SLC38A8: variants seen among roughly 807,000 people sequenced by gnomAD.
The protein encoded by SLC38A8 is amino acid transporter SLC38A8.
In SLC38A8, 65 loss-of-function variants were observed where a neutral mutation model predicts 46.0. The observed-to-expected ratio is 1.41, with a 90% CI of 1.16 to 1.74. The LOEUF (loss-of-function observed/expected upper bound fraction) is 1.74. SLC38A8 is among the 40% of genes most tolerant of loss of function. SLC38A8 has a pLI of 0.00. For synonymous variants in SLC38A8, 447 were observed against 243.7 expected, an observed-to-expected ratio of 1.83 and a Z score of -7.77; for missense variants, 998 against 567.9, an observed-to-expected ratio of 1.76 and a Z score of -7.70.
At chr16:84,023,908 C>G (rs2085126805) in intron 6 of SLC38A8, among the ~76,000 whole-genome samples, 1 of 152,146 alleles carries the variant, frequency 6.6e-6, no homozygotes, top group Non-Finnish European at 1.5e-5. Context: ...GAAAAACAAG[C>G]CGGGCAGCAG....
chr16:84,025,564 T>A (rs1056619128), intron 6 of SLC38A8, among the ~76,000 whole-genome samples: 5 of 152,066 alleles, frequency 3.3e-5, no homozygotes, highest in Non-Finnish European at 5.9e-5. Flanking sequence ...TGGGCCAGGA[T>A]CGGAGCCTGC....
chr16:84,015,594 G>C (rs758310827), intron 9 of SLC38A8, among the ~76,000 whole-genome samples: 1 of 151,836 alleles, frequency 6.6e-6, no homozygotes. Context: ...TCAGGGCCTC[G>C]GTCTTCGCAT....
intron 6 of SLC38A8, 117 bp from the exon 7 acceptor site, chr16:84,023,006 T>G (rs541717972): frequency 3.0e-6 from 2 of 664,816 alleles, no homozygotes; most frequent in African/African-American, 3.7e-5. Flanking sequence ...TCTCTTGAAA[T>G]AGCCTGATCA....
intron 7 of SLC38A8, 64 bp downstream of exon 7, chr16:84,022,711 G>A (rs573300092): frequency 1.1e-5 from 13 of 1,237,308 alleles, no homozygotes; most frequent in East Asian, 9.4e-5. Flanking sequence ...AGAGATACTC[G>A]CTGTTACTCT....
At chr16:84,023,882 A>C (rs955192344) in intron 6 of SLC38A8, among the ~76,000 whole-genome samples, 1 of 152,200 alleles carries the variant, frequency 6.6e-6, no homozygotes, top group African/African-American at 2.4e-5. Flanking sequence ...AGACACAGTG[A>C]CACTGTGTCT....
At chr16:84,038,544 T>C (rs1313412562) in intron 2 of SLC38A8, among the ~76,000 whole-genome samples, 5 of 152,194 alleles carry the variant, frequency 3.3e-5, no homozygotes, top group Non-Finnish European at 7.3e-5. Context: ...TACCATGCAT[T>C]AGAGCTTGAT....
intron 1 of SLC38A8, 79 bp from the exon 2 acceptor site, chr16:84,042,238 C>T: frequency 6.8e-7 from 1 of 1,470,108 alleles, no homozygotes; most frequent in African/African-American, 1.4e-5. Context: ...TTATTTGTCT[C>T]CCCAACTCAG....
At chr16:84,022,674 G>A (rs1441223459) in intron 7 of SLC38A8, 101 bp downstream of exon 7, 13 of 871,576 alleles carry the variant, frequency 1.5e-5, no homozygotes, top group Non-Finnish European at 1.8e-5. Context: ...ATTGAGTATT[G>A]AGCCCAGCAC....
At chr16:84,015,522 G>A (rs546196933) in intron 9 of SLC38A8, among the ~76,000 whole-genome samples, 103 of 152,206 alleles carry the variant, frequency 6.8e-4, no homozygotes, top group African/African-American at 2.4e-3. Flanking sequence ...GCGGTAGCAT[G>A]GACAGAGCTG....
rs796178053 is a variant in SLC38A8 at position 84,018,223 on chromosome 16, C to CTT, written c.806-938_806-937dup. ...ATGAGCTCTGACTCAGCCCTCATTCCTTTTTTTTTTTTTTTTTTTTTTTTT... is the reference window on the plus strand; with the variant it reads ...ATGAGCTCTGACTCAGCCCTCATTCCTTTTTTTTTTTTTTTTTTTTTTTTTTT... On this transcript the variant is annotated intron_variant, in intron 7 of 10. Coordinates refer to ENST00000299709, the MANE Select transcript of SLC38A8 (RefSeq NM_001080442.3). Among the ~76,000 whole-genome samples, 426 of 79,956 alleles carry CTT rather than the reference C, an allele frequency of 5.3e-3. 41 individuals are homozygous for CTT. Among genetic ancestry groups the CTT allele is most frequent in the African/African-American group, 0.014 (220 of 15,270 alleles). 52.5% of individuals were successfully genotyped at this position (79,956 alleles called of 152,430 possible).
chr16:84,031,071 T>G (rs1284906627), intron 5 of SLC38A8, among the ~76,000 whole-genome samples: 3 of 152,126 alleles, frequency 2.0e-5, no homozygotes, highest in Admixed American at 6.5e-5. Context: ...GACAGAGTCT[T>G]GCTCTGTTGC....
At chr16:84,042,499 T>A in intron 1 of SLC38A8, 52 bp downstream of exon 1, 1 of 189,040 alleles carries the variant, frequency 5.3e-6, no homozygotes. Flanking sequence ...TCCACTCCCT[T>A]TGCTTCCAGC....
chr16:84,027,956 C>T (rs895957356), intron 6 of SLC38A8, among the ~76,000 whole-genome samples: 1 of 152,074 alleles, frequency 6.6e-6, no homozygotes, highest in Admixed American at 6.5e-5. Context: ...GTGCAGGAAG[C>T]AATGTGAGAA....
chr16:84,013,065 C>T lies in SLC38A8; in HGVS notation c.1163-13G>A. 4.3e-6 allele frequency: 7 copies of T among 1,614,078 alleles called. No individual in the cohort carries two copies. The highest frequency in any genetic ancestry group is 5.9e-6 in the Non-Finnish European group (7 of 1,179,948). ...ATGAGGCACAAACCTGCAAAAAAGACAGGGTCACCCACAGTTCTTCGTTAT... is the reference window on the plus strand; with the variant it reads ...ATGAGGCACAAACCTGCAAAAAAGATAGGGTCACCCACAGTTCTTCGTTAT... On this transcript the variant is annotated splice_polypyrimidine_tract_variant and intron_variant, in intron 9 of 10. Transcript: ENST00000299709.
At position 84,042,116 on chromosome 16, in the gene SLC38A8, C is replaced by G. The variant is rs1169492158; in HGVS notation, c.42G>C (p.Lys14Asn). The G allele has an allele frequency of 6.2e-7, 1 of 1,613,708 alleles. No individual in the cohort carries two copies. Among genetic ancestry groups the G allele is most frequent in the South Asian group, 1.1e-5 (1 of 91,032 alleles). ...TGGCAGCAGCCGTGGCAGGGTGAGG[C>G]TTTTCTGGAAGGCCCCTGCTTCCTG... ...QTPGSRGLPE[K>N]PHPATAAATL... The change falls in exon 2 of 11, where the codon AAG (lysine) becomes AAC (asparagine). Residue 14 changes from lysine to asparagine, a missense_variant. Lys to Asn is a moderately conservative substitution (Grantham distance 94). Coordinates refer to ENST00000299709, the MANE Select transcript of SLC38A8 (RefSeq NM_001080442.3).
intron 9 of SLC38A8, among the ~76,000 whole-genome samples, chr16:84,014,035 G>A (rs547398545): frequency 2.0e-5 from 3 of 152,070 alleles, no homozygotes; most frequent in Admixed American, 6.5e-5. Context: ...AGAGCCTGAG[G>A]GAAGGGCTGT....
Position 84,009,741 on chromosome 16 carries a change from T to G in SLC38A8, c.*43A>C. ...GGCTGCATACAGCAGCCACGTAGGG[T>G]CAGCCCCCGGAGGGCCCCTTCCTGC... On this transcript the variant is annotated 3_prime_UTR_variant, in exon 11 of 11. Transcript: ENST00000299709. 6.4e-7 allele frequency: 1 copy of G among 1,567,992 alleles called. No homozygotes were observed. Among genetic ancestry groups the G allele is most frequent in the Non-Finnish European group, 8.7e-7 (1 of 1,147,998 alleles).
At chr16:84,033,584 G>T (rs571526297) in intron 3 of SLC38A8, 115 bp from the exon 4 acceptor site, 1 of 1,225,580 alleles carries the variant, frequency 8.2e-7, no homozygotes, top group Non-Finnish European at 1.1e-6. Flanking sequence ...GCCAGCCCCA[G>T]GAGCCCAGGG....
chr16:84,020,530 G>A lies in SLC38A8; in HGVS notation c.805+2245C>T, dbSNP rs1053065383. Among the ~76,000 whole-genome samples, 11 of 152,178 alleles carry A rather than the reference G, an allele frequency of 7.2e-5. No individual in the cohort carries two copies. The East Asian group carries it at 7.7e-4, about 11-fold the overall frequency. On this transcript the variant is annotated intron_variant, in intron 7 of 10. Coordinates refer to ENST00000299709, the MANE Select transcript of SLC38A8 (RefSeq NM_001080442.3). ...TCTGCCAGCCTGCAGAATTAGCAAC[G>A]CACGCATCCTGCCAAGGTTTACCAC...
Sources: gnomAD v4.1 joint callset for allele counts (sites outside exome capture counted in the v4.1 genomes callset) on GRCh38, gnomAD v4.1.1 for gene constraint, MANE v1.5 for transcripts, NCBI Gene and HGNC (gene_info 2026-07-23, HGNC 2026-07-21) for gene names.